Variants in MSRA observed in about 807,000 individuals in gnomAD.
MSRA encodes mitochondrial peptide methionine sulfoxide reductase.
A neutral mutation model predicts 31.3 loss-of-function variants in MSRA; 54 were observed. That is an observed-to-expected ratio of 1.73 (90% confidence interval 1.39 to 2.17). MSRA has a LOEUF of 2.17. MSRA is among the 30% of genes most tolerant of loss of function. The probability of loss-of-function intolerance (pLI) is 0.00; values close to 1 mark genes in which losing one functional copy is unlikely to be tolerated. For synonymous variants in MSRA, 169 were observed against 116.5 expected (o/e 1.45, Z -2.90); for missense variants, 507 against 300.9 (o/e 1.69, Z -5.07).
intron 5 of MSRA, among the ~76,000 whole-genome samples, chr8:10,350,480 CT>C (rs2129157754): frequency 6.6e-6 from 1 of 152,328 alleles, no homozygotes; most frequent in African/African-American, 2.4e-5. Context: ...CTATAAAGCC[CT>C]TCCTACTCTG....
intron 2 of MSRA, among the ~76,000 whole-genome samples, chr8:10,218,075 G>A (rs1412519259): frequency 1.3e-5 from 2 of 151,676 alleles, no homozygotes; most frequent in Non-Finnish European, 1.5e-5. Flanking sequence ...AAGTGGTGGT[G>A]TGTTTCATTC....
chr8:10,369,012 A>G (rs907825841), intron 5 of MSRA, among the ~76,000 whole-genome samples: 2 of 152,228 alleles, frequency 1.3e-5, no homozygotes, highest in African/African-American at 4.8e-5. Context: ...TGTTGAAACA[A>G]TAGGCCTGAA....
rs534169142 is a variant in MSRA at position 10,282,490 on chromosome 8, C to T, written c.332-19044C>T. Among the ~76,000 whole-genome samples the T allele has an allele frequency of 5.9e-5, 9 of 152,320 alleles. No homozygotes were observed. The South Asian group carries it at 1.4e-3, about 25-fold the overall frequency. On this transcript the variant is annotated intron_variant, in intron 3 of 5. Coordinates refer to ENST00000317173, the MANE Select transcript of MSRA (RefSeq NM_012331.5). ...GCAAAGCCATATTTGCCAGCATAGT[C>T]GACATTGTGGGGACAGGTGTCCATT...
intron 1 of MSRA, among the ~76,000 whole-genome samples, chr8:10,175,694 A>G (rs2129048105): frequency 6.6e-6 from 1 of 152,302 alleles, no homozygotes; most frequent in South Asian, 2.1e-4. Flanking sequence ...TAAGCTTTTC[A>G]CTTTGAAGAT....
intron 2 of MSRA, among the ~76,000 whole-genome samples, chr8:10,241,596 A>G (rs1210000624): frequency 1.3e-5 from 2 of 152,192 alleles, no homozygotes; most frequent in Non-Finnish European, 2.9e-5. Context: ...TTTTCATTAT[A>G]AGGTATGAAA....
intron 5 of MSRA, among the ~76,000 whole-genome samples, chr8:10,325,933 GGTC>G (rs1225613831): frequency 2.0e-5 from 3 of 152,248 alleles, no homozygotes; most frequent in East Asian, 1.9e-4. Context: ...CCTGGATTAT[GGTC>G]TAGAACTCTG....
chr8:10,131,690 C>T (rs1801909617), intron 1 of MSRA, among the ~76,000 whole-genome samples: 2 of 152,186 alleles, frequency 1.3e-5, no homozygotes, highest in South Asian at 4.1e-4. Flanking sequence ...GTTAGAAGAT[C>T]TCAGAGATCT....
intron 1 of MSRA, among the ~76,000 whole-genome samples, chr8:10,144,951 G>A (rs1803013508): frequency 6.6e-6 from 1 of 151,248 alleles, no homozygotes; most frequent in Non-Finnish European, 1.5e-5. Context: ...TAAAGCTGCT[G>A]GGCTCGTTTT....
chr8:10,117,533 T>C (rs1419055115), intron 1 of MSRA, among the ~76,000 whole-genome samples: 1 of 152,198 alleles, frequency 6.6e-6, no homozygotes, highest in Admixed American at 6.5e-5. Flanking sequence ...TGTAAGTTTC[T>C]ATGTGGGGTA....
chr8:10,343,185 T>C (rs1803550944), intron 5 of MSRA, among the ~76,000 whole-genome samples: 1 of 152,148 alleles, frequency 6.6e-6, no homozygotes, highest in Non-Finnish European at 1.5e-5. Flanking sequence ...CAATTGTTCC[T>C]TTTCCCAGCA....
At chr8:10,089,860 G>T (rs1019356711) in intron 1 of MSRA, among the ~76,000 whole-genome samples, 4 of 152,190 alleles carry the variant, frequency 2.6e-5, no homozygotes, top group Non-Finnish European at 4.4e-5. Context: ...CGTTTCATGA[G>T]AGTGAGAGCT....
intron 5 of MSRA, among the ~76,000 whole-genome samples, chr8:10,417,339 C>G (rs762798408): frequency 9.2e-5 from 14 of 151,970 alleles, no homozygotes; most frequent in African/African-American, 3.4e-4. Flanking sequence ...GGGGCAATTC[C>G]ATTGTCCCAG....
intron 5 of MSRA, among the ~76,000 whole-genome samples, chr8:10,367,537 C>G (rs571065643): frequency 1.3e-5 from 2 of 152,320 alleles, no homozygotes; most frequent in East Asian, 1.9e-4. Flanking sequence ...GTGCTAGTCA[C>G]TGTACAAGGC....
At chr8:10,292,419 G>GCA (rs1563317239) in intron 3 of MSRA, among the ~76,000 whole-genome samples, 1 of 152,202 alleles carries the variant, frequency 6.6e-6, no homozygotes, top group African/African-American at 2.4e-5. Context: ...AGGTTGCACC[G>GCA]CATGGGACTG....
chr8:10,266,334 C>G (rs1423669683), intron 3 of MSRA, among the ~76,000 whole-genome samples: 1 of 152,154 alleles, frequency 6.6e-6, no homozygotes, highest in Non-Finnish European at 1.5e-5. Flanking sequence ...CTTGCATTTT[C>G]CTGACGACCG....
intron 2 of MSRA, among the ~76,000 whole-genome samples, chr8:10,242,573 AGTTTT>A (rs983346744): frequency 2.6e-5 from 4 of 152,152 alleles, no homozygotes; most frequent in Non-Finnish European, 5.9e-5. Context: ...TTTTTGCATC[AGTTTT>A]GTTTTATAAC....
intron 5 of MSRA, among the ~76,000 whole-genome samples, chr8:10,425,174 A>T (rs1288639923): frequency 6.6e-6 from 1 of 152,134 alleles, no homozygotes; most frequent in Non-Finnish European, 1.5e-5. Flanking sequence ...TGGGAAGGAC[A>T]ACCGAAGCCT....
At chr8:10,311,523 A>G (rs1362230640) in intron 4 of MSRA, among the ~76,000 whole-genome samples, 4 of 152,168 alleles carry the variant, frequency 2.6e-5, no homozygotes, top group Non-Finnish European at 5.9e-5. Flanking sequence ...CAGGCCATAA[A>G]AGGCTCAGTA....
At chr8:10,101,751 G>A (rs1246139319) in intron 1 of MSRA, among the ~76,000 whole-genome samples, 2 of 152,152 alleles carry the variant, frequency 1.3e-5, no homozygotes, top group East Asian at 1.9e-4. Flanking sequence ...ATACTCTATT[G>A]TATGGACAGA....
Sources: gnomAD v4.1 joint callset for allele counts (sites outside exome capture counted in the v4.1 genomes callset) on GRCh38, gnomAD v4.1.1 for gene constraint, MANE v1.5 for transcripts, NCBI Gene and HGNC (gene_info 2026-07-23, HGNC 2026-07-21) for gene names.